The following PARP8 variants were observed in gnomAD, a reference collection of about 807,000 sequenced individuals.
PARP8 encodes poly(ADP-ribose) polymerase family member 8, also known as protein mono-ADP-ribosyltransferase PARP8.
A neutral mutation model predicts 124.1 loss-of-function variants in PARP8; 51 were observed. The observed-to-expected ratio is 0.41, with a 90% CI of 0.33 to 0.52. The LOEUF (loss-of-function observed/expected upper bound fraction) is 0.52, where lower values mean the gene tolerates loss of function less well. Ranked by LOEUF, PARP8 falls within the 20% of genes least tolerant of loss-of-function variation. The probability of loss-of-function intolerance (pLI) is 0.21; values close to 1 mark genes in which losing one functional copy is unlikely to be tolerated. For missense variants in PARP8, 860 were observed against 1,018.9 expected (o/e 0.84, Z 2.12); for synonymous variants, 391 against 361.5 (o/e 1.08, Z -0.93).
chr5:50,668,983 AGC>A (rs1749687419), intron 2 of PARP8: 1 of 152,242 alleles, frequency 6.6e-6, no homozygotes, highest in Non-Finnish European at 1.5e-5. Flanking sequence ...AATATATCTT[AGC>A]TAATGGAAAC....
chr5:50,754,164 C>T (rs1189613088), intron 3 of PARP8, among the ~76,000 whole-genome samples: 30 of 72,338 alleles, frequency 4.1e-4, no homozygotes, highest in African/African-American at 2.1e-3. Flanking sequence ...CACACACACA[C>T]ACACACACAC....
At chr5:50,810,361 T>C (rs1744301589) in intron 14 of PARP8, among the ~76,000 whole-genome samples, 1 of 152,024 alleles carries the variant, frequency 6.6e-6, no homozygotes, top group Admixed American at 6.6e-5. Context: ...CATACATACT[T>C]TGTATTAAAT....
In PARP8 at chr5:50,828,044, C is replaced by G; in HGVS notation, c.2078C>G (p.Thr693Ser). Residue 693 changes from threonine (T) to serine (S), a missense_variant, in exon 20 of 26, where the codon ACC becomes AGC. Physicochemically the swap from Thr to Ser is moderately conservative, Grantham distance 58. Around this residue, in one of 2 missense-constraint regions of PARP8, gnomAD observed 343 missense variants for 474.7 expected, o/e 0.72. Coordinates refer to ENST00000281631, the MANE Select transcript of PARP8 (RefSeq NM_024615.4). Reference protein sequence around the residue: ...FRAAKKLFGSTFAFHGSHIEN... With the variant: ...FRAAKKLFGSSFAFHGSHIEN... Reference sequence around the variant, plus strand: ...GCTGCTAAAAAACTCTTTGGAAGCACCTTTGCATTTCAGTGAGTAAGGCTT... The same window carrying G: ...GCTGCTAAAAAACTCTTTGGAAGCAGCTTTGCATTTCAGTGAGTAAGGCTT... 6.2e-7 allele frequency: 1 copy of G among 1,605,306 alleles called. No individual in the cohort carries two copies. The highest frequency in any genetic ancestry group is 8.5e-7 in the Non-Finnish European group (1 of 1,172,198).
At chr5:50,672,832 G>T (rs560190768) in intron 2 of PARP8, among the ~76,000 whole-genome samples, 1 of 152,214 alleles carries the variant, frequency 6.6e-6, no homozygotes, top group East Asian at 1.9e-4. Context: ...TCCCCAGAAA[G>T]GAGAAGTGTA....
chr5:50,799,050 GAC>G (rs1474775155), intron 14 of PARP8, among the ~76,000 whole-genome samples: 1 of 151,952 alleles, frequency 6.6e-6, no homozygotes, highest in East Asian at 1.9e-4. Flanking sequence ...GGTAATCTTT[GAC>G]ACACACAAGT....
chr5:50,811,780 A>G (rs1580423055), intron 14 of PARP8, among the ~76,000 whole-genome samples: 1 of 151,454 alleles, frequency 6.6e-6, no homozygotes, highest in Non-Finnish European at 1.5e-5. Flanking sequence ...GATGTTCCCC[A>G]CCCTGTGTCC....
intron 2 of PARP8, among the ~76,000 whole-genome samples, chr5:50,715,908 A>G (rs918179387): frequency 2.6e-5 from 4 of 152,112 alleles, no homozygotes; most frequent in African/African-American, 9.6e-5. Flanking sequence ...GATAAGCACT[A>G]TATTGGATCC....
intron 25 of PARP8, among the ~76,000 whole-genome samples, chr5:50,835,930 A>G (rs1561450935): frequency 6.6e-6 from 1 of 152,176 alleles, no homozygotes; most frequent in Non-Finnish European, 1.5e-5. Context: ...TGATCTTGTC[A>G]CAGAAAGGAT....
intron 14 of PARP8, among the ~76,000 whole-genome samples, chr5:50,808,745 G>A (rs1459006742): frequency 6.6e-6 from 1 of 151,998 alleles, no homozygotes; most frequent in East Asian, 1.9e-4. Context: ...GGAGTCCCAA[G>A]ATTTGATTCT....
chr5:50,667,933 G>C, intron 1 of PARP8, 138 bp from the exon 2 acceptor site: 2 of 1,547,604 alleles, frequency 1.3e-6, no homozygotes, highest in Non-Finnish European at 1.7e-6. Context: ...CGGCGCAGAG[G>C]GACCTCGCCG....
chr5:50,780,971 T>C (rs1451143103), intron 9 of PARP8, among the ~76,000 whole-genome samples: 1 of 152,170 alleles, frequency 6.6e-6, no homozygotes, highest in Non-Finnish European at 1.5e-5. Context: ...TTTCTGTATT[T>C]ATTTCTGCAT....
At chr5:50,834,758 T>C in intron 24 of PARP8, 173 bp from the exon 25 acceptor site, 1 of 652,714 alleles carries the variant, frequency 1.5e-6, no homozygotes, top group Non-Finnish European at 2.8e-6. Context: ...ACATGGTCTT[T>C]CACTGTTTTT....
chr5:50,692,940 A>G (rs780669351), intron 2 of PARP8, among the ~76,000 whole-genome samples: 1 of 152,046 alleles, frequency 6.6e-6, no homozygotes, highest in Non-Finnish European at 1.5e-5. Flanking sequence ...AGGACTTTAT[A>G]TTTTTTTATC....
At chr5:50,714,099 TC>T (rs1433438431) in intron 2 of PARP8, among the ~76,000 whole-genome samples, 1 of 150,646 alleles carries the variant, frequency 6.6e-6, no homozygotes, top group African/African-American at 2.4e-5. Flanking sequence ...TTTTTTTTTT[TC>T]CCCAGAATTC....
intron 3 of PARP8, 78 bp downstream of exon 3, chr5:50,750,266 G>A (rs568371123): frequency 8.9e-5 from 108 of 1,207,368 alleles, no homozygotes; most frequent in African/African-American, 6.2e-4. Flanking sequence ...GATGTAAAAC[G>A]CATATAAATA....
chr5:50,794,651 T>G (rs1310689266), intron 11 of PARP8, among the ~76,000 whole-genome samples: 1 of 152,224 alleles, frequency 6.6e-6, no homozygotes, highest in Non-Finnish European at 1.5e-5. Flanking sequence ...TAGAACCTTT[T>G]TTTTGCTTTT....
At chr5:50,841,737 G>A (rs569377004) in intron 25 of PARP8, among the ~76,000 whole-genome samples, 27 of 103,782 alleles carry the variant, frequency 2.6e-4, no homozygotes, top group Non-Finnish European at 5.1e-4. Context: ...TCTTTTATGC[G>A]GGGATAAAAA....
At chr5:50,697,113 A>G (rs1279938936) in intron 2 of PARP8, among the ~76,000 whole-genome samples, 2 of 152,098 alleles carry the variant, frequency 1.3e-5, no homozygotes, top group African/African-American at 2.4e-5. Context: ...TTCAGATACA[A>G]AAATTAGCCA....
intron 2 of PARP8, among the ~76,000 whole-genome samples, chr5:50,719,544 A>G (rs1755665001): frequency 6.6e-6 from 1 of 152,002 alleles, no homozygotes; most frequent in Non-Finnish European, 1.5e-5. Flanking sequence ...TTCTGCATAT[A>G]GATATCCAGT....
Sources: allele counts gnomAD v4.1 joint callset (sites outside exome capture counted in the v4.1 genomes callset), GRCh38; gene constraint gnomAD v4.1.1; regional missense constraint gnomAD v4.1.1; transcripts MANE v1.5; gene names NCBI Gene and HGNC (gene_info 2026-07-23, HGNC 2026-07-21).